Variants in PDE1A observed in about 807,000 individuals in gnomAD.
The protein encoded by PDE1A is dual specificity calcium/calmodulin-dependent 3',5'-cyclic nucleotide phosphodiesterase 1A.
PDE1A carries 35 observed loss-of-function variants against 61.7 expected under a neutral mutation model. That is an observed-to-expected ratio of 0.57 (90% CI 0.43 to 0.75). The LOEUF (loss-of-function observed/expected upper bound fraction) is 0.75, where lower values mean the gene tolerates loss of function less well. Ranked by LOEUF, PDE1A falls within the 30% of genes least tolerant of loss-of-function variation. The pLI, the probability that PDE1A is intolerant of heterozygous loss-of-function variation, is 0.00. For missense variants in PDE1A, 597 were observed against 630.6 expected, an observed-to-expected ratio of 0.95 and a Z score of 0.57; for synonymous variants, 232 against 213.2, an observed-to-expected ratio of 1.09 and a Z score of -0.77.
intron 1 of PDE1A, among the ~76,000 whole-genome samples, chr2:182,392,004 T>A (rs971735519): frequency 6.7e-6 from 1 of 149,648 alleles, no homozygotes; most frequent in Non-Finnish European, 1.5e-5. Flanking sequence ...GAAGGAGAGG[T>A]CAGGTCCCGT....
chr2:182,701,191 C>T, the PDE1A span, among the ~76,000 whole-genome samples: 7 of 81,600 alleles, frequency 8.6e-5, no homozygotes, highest in South Asian at 1.7e-3. Context: ...CCTGCCACCA[C>T]GCCCGGCTAA....
At chr2:182,388,835 A>T (rs1034297157) in intron 1 of PDE1A, among the ~76,000 whole-genome samples, 1 of 152,022 alleles carries the variant, frequency 6.6e-6, no homozygotes, top group Admixed American at 6.5e-5. Context: ...GACCAGAAAA[A>T]ATAGAAAAGT....
chr2:182,442,628 A>G (rs943337748), intron 2 of PDE1A, among the ~76,000 whole-genome samples: 2 of 152,110 alleles, frequency 1.3e-5, no homozygotes, highest in African/African-American at 4.8e-5. Context: ...ATACATGAAT[A>G]AAGAGAATAA....
At chr2:182,418,401 C>A (rs762135730) in intron 1 of PDE1A, among the ~76,000 whole-genome samples, 10 of 152,126 alleles carry the variant, frequency 6.6e-5, no homozygotes, top group Non-Finnish European at 1.2e-4. Context: ...GAATCTCAGG[C>A]ATGCTATAAC....
At chr2:182,313,108 T>C (rs1307311456) in intron 1 of PDE1A, among the ~76,000 whole-genome samples, 1 of 152,212 alleles carries the variant, frequency 6.6e-6, no homozygotes, top group Non-Finnish European at 1.5e-5. Flanking sequence ...TTATTAGTTC[T>C]AGGAGTTTTA....
chr2:182,361,110 C>A (rs1699477714), intron 1 of PDE1A, among the ~76,000 whole-genome samples: 1 of 152,056 alleles, frequency 6.6e-6, no homozygotes, highest in Admixed American at 6.6e-5. Flanking sequence ...TGATCTGATT[C>A]CCCCAAGTAC....
chr2:182,680,039 G>C, the PDE1A span, among the ~76,000 whole-genome samples: 2 of 152,090 alleles, frequency 1.3e-5, no homozygotes, highest in African/African-American at 4.8e-5. Context: ...AATAGAAAAA[G>C]TACACATAGA....
At chr2:182,712,738 T>G in the PDE1A span, among the ~76,000 whole-genome samples, 1 of 152,004 alleles carries the variant, frequency 6.6e-6, no homozygotes, top group South Asian at 2.1e-4. Context: ...TTGTATTTTT[T>G]GTAGAGATGG....
intron 13 of PDE1A, among the ~76,000 whole-genome samples, chr2:182,179,495 T>C (rs540053785): frequency 6.6e-6 from 1 of 152,194 alleles, no homozygotes; most frequent in Admixed American, 6.6e-5. Context: ...AAAGAATGAT[T>C]ATCACAAAAT....
At chr2:182,363,359 AAG>A (rs1253889058) in intron 1 of PDE1A, among the ~76,000 whole-genome samples, 2 of 152,032 alleles carry the variant, frequency 1.3e-5, no homozygotes, top group Non-Finnish European at 2.9e-5. Flanking sequence ...TGGAGGAGAA[AAG>A]AGAGAATATA....
At chr2:182,372,408 G>T (rs1700169377) in intron 1 of PDE1A, among the ~76,000 whole-genome samples, 1 of 152,176 alleles carries the variant, frequency 6.6e-6, no homozygotes, top group Non-Finnish European at 1.5e-5. Context: ...CTATATTTAA[G>T]TGGGAATGGG....
chr2:182,186,575 G>A, exon 12 of PDE1A: 1 of 1,604,524 alleles, frequency 6.2e-7, no homozygotes, highest in Non-Finnish European at 8.5e-7. Flanking sequence ...GCTCTACTAT[G>A]AAATCGATGA....
intron 2 of PDE1A, among the ~76,000 whole-genome samples, chr2:182,504,925 G>A (rs2368301): frequency 0.72 from 109,895 of 152,146 alleles, 42,867 homozygotes; most frequent in East Asian, 0.99. Flanking sequence ...TGCTTTGTAA[G>A]TTTCTTTTTA....
At chr2:182,208,871 G>A (rs2125517079) in intron 7 of PDE1A, among the ~76,000 whole-genome samples, 1 of 152,328 alleles carries the variant, frequency 6.6e-6, no homozygotes, top group East Asian at 1.9e-4. Context: ...CCCAATGCCT[G>A]TAACCCCATT....
At chr2:182,432,602 G>T (rs2125641077) in intron 2 of PDE1A, among the ~76,000 whole-genome samples, 1 of 152,118 alleles carries the variant, frequency 6.6e-6, no homozygotes, top group East Asian at 1.9e-4. Context: ...TGAACAAAGT[G>T]ATCATTAATG....
At chr2:182,654,284 ATGT>A in the PDE1A span, among the ~76,000 whole-genome samples, 1 of 152,314 alleles carries the variant, frequency 6.6e-6, no homozygotes, top group African/African-American at 2.4e-5. Flanking sequence ...ACCAAAATTC[ATGT>A]TGTTGTTGCT....
At chr2:182,169,529 G>T (rs955966838) in intron 13 of PDE1A, among the ~76,000 whole-genome samples, 2 of 152,022 alleles carry the variant, frequency 1.3e-5, no homozygotes, top group African/African-American at 2.4e-5. Context: ...AGGACCATCT[G>T]CTAGGGTTCC....
chr2:182,608,235 T>C, the PDE1A span, among the ~76,000 whole-genome samples: 1 of 152,230 alleles, frequency 6.6e-6, no homozygotes, highest in Non-Finnish European at 1.5e-5. Flanking sequence ...AATATTACTG[T>C]AACTTTTCTG....
At chr2:182,515,849 G>A (rs1408421538) in intron 2 of PDE1A, among the ~76,000 whole-genome samples, 1 of 152,114 alleles carries the variant, frequency 6.6e-6, no homozygotes, top group East Asian at 1.9e-4. Flanking sequence ...AGGGTTAGAT[G>A]GAGGTACAGT....
Sources: allele counts gnomAD v4.1 joint callset (sites outside exome capture counted in the v4.1 genomes callset), GRCh38; gene constraint gnomAD v4.1.1; transcripts MANE v1.5; gene names NCBI Gene and HGNC (gene_info 2026-07-23, HGNC 2026-07-21).